ITGA4: variants seen among roughly 807,000 people sequenced by gnomAD.
ITGA4 encodes integrin subunit alpha 4, also known as integrin alpha-4.
A neutral mutation model predicts 133.6 loss-of-function variants in ITGA4; 63 were observed. That is an observed-to-expected ratio of 0.47 (90% confidence interval 0.38 to 0.58). ITGA4 has a LOEUF of 0.58. Ranked by LOEUF, ITGA4 falls within the 20% of genes least tolerant of loss-of-function variation. ITGA4 has a pLI of 0.00. For missense variants in ITGA4, 1,076 were observed against 1,252.7 expected, an observed-to-expected ratio of 0.86 and a Z score of 2.13; for synonymous variants, 483 against 438.0, an observed-to-expected ratio of 1.10 and a Z score of -1.28.
intron 26 of ITGA4, 29 bp from the exon 27 acceptor site, chr2:181,534,787 T>TTGGG: frequency 6.4e-7 from 1 of 1,555,718 alleles, no homozygotes; most frequent in Non-Finnish European, 8.7e-7. Flanking sequence ...TTTTTGGTTT[T>TTGGG]TGAGTTTTAT....
At chr2:181,535,053 T>C in intron 27 of ITGA4, 118 bp downstream of exon 27, 1 of 1,167,854 alleles carries the variant, frequency 8.6e-7, no homozygotes, top group Non-Finnish European at 1.2e-6. Context: ...ACTTTTTATG[T>C]TGCTCAGTAC....
chr2:181,476,126 A>G (rs368623105), intron 4 of ITGA4: 23 of 274,356 alleles, frequency 8.4e-5, no homozygotes, highest in African/African-American at 3.9e-4. Context: ...AGCAGCTTAT[A>G]TTACATATAT....
At chr2:181,483,493 G>A (rs1207079121) in intron 9 of ITGA4, among the ~76,000 whole-genome samples, 1 of 152,166 alleles carries the variant, frequency 6.6e-6, no homozygotes, top group Admixed American at 6.5e-5. Flanking sequence ...GAAAGTATTT[G>A]TAACTATGTT....
chr2:181,484,535 T>C (rs1304298142), intron 9 of ITGA4, among the ~76,000 whole-genome samples: 1 of 152,226 alleles, frequency 6.6e-6, no homozygotes, highest in Non-Finnish European at 1.5e-5. Flanking sequence ...CCCTGACTCC[T>C]TTGAATCAAT....
In ITGA4 at chr2:181,495,392, G is replaced by T. The variant is rs200123017; in HGVS notation, c.1361G>T (p.Arg454Leu). ...CCAGATGTAGCAGTTGGTGCTTTTC[G>T]GTCTGATTCTGCTGTCTTGCTAAGG... ...GYVDVAVGAFRSDSAVLLRTR... is the reference protein window; with the variant it reads ...GYVDVAVGAFLSDSAVLLRTR... The change falls in exon 13 of 28, where the codon CGG (arginine) becomes CTG (leucine). Residue 454 changes from arginine to leucine, a missense_variant. Coordinates refer to ENST00000397033, the MANE Select transcript of ITGA4 (RefSeq NM_000885.6). This position sits in a 1 kb window ranked among gnomAD's most constrained non-coding sequence, Gnocchi z 4.3. The T allele has an allele frequency of 6.2e-7, 1 of 1,610,814 alleles. No individual in the cohort carries two copies. The highest frequency in any genetic ancestry group is 2.2e-5 in the East Asian group (1 of 44,788).
At chr2:181,509,040 G>A (rs1383489115) in intron 15 of ITGA4, among the ~76,000 whole-genome samples, 2 of 150,082 alleles carry the variant, frequency 1.3e-5, no homozygotes, top group Non-Finnish European at 3.0e-5. Flanking sequence ...TACTCTGAAG[G>A]CTGAAGCAGA....
intron 2 of ITGA4, among the ~76,000 whole-genome samples, chr2:181,462,543 C>A (rs1011382244): frequency 2.1e-4 from 32 of 152,060 alleles, no homozygotes; most frequent in Non-Finnish European, 1.6e-4. Flanking sequence ...TTGCAATGTG[C>A]TTTAAATTGT....
At chr2:181,467,806 A>G (rs1384232264) in intron 2 of ITGA4, among the ~76,000 whole-genome samples, 1 of 152,146 alleles carries the variant, frequency 6.6e-6, no homozygotes, top group African/African-American at 2.4e-5. Context: ...TTTTAATTCT[A>G]ATCTTTCCAC....
In ITGA4 at chr2:181,523,432, A is replaced by T. The variant is rs1686762423; in HGVS notation, c.2074-5A>T. On this transcript the variant is annotated splice_region_variant and splice_polypyrimidine_tract_variant and intron_variant, in intron 18 of 27. Transcript: ENST00000397033. This position sits in a 1 kb window ranked among gnomAD's most constrained non-coding sequence, Gnocchi z 4.2. The stretch of plus-strand genomic sequence containing the variant: ...CCAAAACAGTTGTTTCATTTTTCCC[A>T]TTAGGAAGAGAAGCAAATAAACTGT... The T allele has an allele frequency of 6.3e-7, 1 of 1,580,358 alleles. No homozygotes were observed. The highest frequency in any genetic ancestry group is 2.2e-5 in the East Asian group (1 of 44,590).
intron 2 of ITGA4, among the ~76,000 whole-genome samples, chr2:181,472,316 G>A (rs1685573163): frequency 6.6e-6 from 1 of 152,060 alleles, no homozygotes; most frequent in African/African-American, 2.4e-5. Context: ...CTATTTACAT[G>A]GTACATTGTG....
chr2:181,487,286 C>T (rs76053290), intron 10 of ITGA4, among the ~76,000 whole-genome samples: 3,517 of 152,192 alleles, frequency 0.023, 66 homozygotes, highest in South Asian at 0.043. Context: ...CATAAATAAC[C>T]TCATCCCAGA....
intron 2 of ITGA4, among the ~76,000 whole-genome samples, chr2:181,464,281 A>C (rs1017041553): frequency 3.3e-5 from 5 of 152,180 alleles, no homozygotes; most frequent in African/African-American, 9.7e-5. Flanking sequence ...GTTCATTAGT[A>C]ACCTCGGTAA....
In ITGA4 at chr2:181,536,056, A is replaced by C. The variant is rs1422002277; in HGVS notation, c.*529A>C. On this transcript the variant is annotated 3_prime_UTR_variant, in exon 28 of 28. Coordinates refer to ENST00000397033, the MANE Select transcript of ITGA4 (RefSeq NM_000885.6). ...CTTTAAAGCCCTTTATTTATAATAC[A>C]TTTCCTACGGGCTGTGTTCCAACAA... 1 of 151,918 alleles carries C rather than the reference A, an allele frequency of 6.6e-6. No homozygotes were observed. Among genetic ancestry groups the C allele is most frequent in the Non-Finnish European group, 1.5e-5 (1 of 68,010 alleles). The allele number at this position is 151,918 out of a possible 1,614,324, so 9.4% of individuals were successfully genotyped here.
chr2:181,530,844 G>C (rs1439408534), intron 24 of ITGA4, among the ~76,000 whole-genome samples, 195 bp downstream of exon 24: 1 of 152,218 alleles, frequency 6.6e-6, no homozygotes, highest in East Asian at 1.9e-4. Context: ...ATATAAACAT[G>C]TTGGCCGGGT....
chr2:181,537,747 A>AG lies in ITGA4; in HGVS notation c.*2221dup, dbSNP rs1491282004. 2.3e-6 allele frequency: 1 copy of AG among 442,910 alleles called. No homozygotes were observed. The highest frequency in any genetic ancestry group is 4.5e-6 in the Non-Finnish European group (1 of 221,250). 27.4% of individuals were successfully genotyped at this position (442,910 alleles called of 1,614,324 possible). On this transcript the variant is annotated 3_prime_UTR_variant, in exon 28 of 28. Transcript: ENST00000397033. ...GTCCAATAAACACATTGTAAAAAAAAGAATTTGAATTGATATCTAAAAACA... is the reference window on the plus strand; with the variant it reads ...GTCCAATAAACACATTGTAAAAAAAAGGAATTTGAATTGATATCTAAAAACA...
rs371826323 is a variant in ITGA4 at position 181,494,672 on chromosome 2, G to C, written c.1249-50G>C. 3 of 899,062 alleles carry C rather than the reference G, an allele frequency of 3.3e-6. No homozygotes were observed. The South Asian group carries it at 3.9e-5, about 12-fold the overall frequency. The allele number at this position is 899,062 out of a possible 1,614,324, so 55.7% of individuals were successfully genotyped here. On this transcript the variant is annotated intron_variant, in intron 11 of 27. Transcript: ENST00000397033. ...ATTTAGCTAAATCATTGCTTCTCTG[G>C]TATATTAGTATTCAAAAACTACTTC...
At chr2:181,464,675 G>C (rs1379508177) in intron 2 of ITGA4, among the ~76,000 whole-genome samples, 1 of 151,998 alleles carries the variant, frequency 6.6e-6, no homozygotes, top group African/African-American at 2.4e-5. Flanking sequence ...TTTCACATTT[G>C]GGCAAAATCC....
intron 10 of ITGA4, among the ~76,000 whole-genome samples, chr2:181,487,927 C>A (rs1023132919): frequency 1.3e-5 from 2 of 152,220 alleles, no homozygotes; most frequent in Non-Finnish European, 2.9e-5. Flanking sequence ...TTGTATGAGA[C>A]AACCCAATTC....
intron 2 of ITGA4, among the ~76,000 whole-genome samples, chr2:181,470,749 C>A (rs367930739): frequency 6.6e-6 from 1 of 152,122 alleles, no homozygotes; most frequent in African/African-American, 2.4e-5. Flanking sequence ...GTGGTGGGCA[C>A]CTATATCCCC....
Sources: gnomAD v4.1 joint callset for allele counts (sites outside exome capture counted in the v4.1 genomes callset) on GRCh38, gnomAD v4.1.1 for gene constraint, Gnocchi (gnomAD v3.1) non-coding constraint, MANE v1.5 for transcripts, NCBI Gene and HGNC (gene_info 2026-07-23, HGNC 2026-07-21) for gene names.